The following PDS5A variants were observed in gnomAD, a reference collection of about 807,000 sequenced individuals.
PDS5A encodes the protein sister chromatid cohesion protein PDS5 homolog A.
Under a neutral mutation model 167.1 loss-of-function variants are expected in PDS5A, and 42 were observed. The ratio of observed to expected loss-of-function variants is 0.25; its 90% CI spans 0.20 to 0.33. The LOEUF (loss-of-function observed/expected upper bound fraction) is 0.33, where lower values mean the gene tolerates loss of function less well. Ranked by LOEUF, PDS5A falls within the 10% of genes least tolerant of loss-of-function variation. The pLI is 1.00. For synonymous variants in PDS5A, 553 were observed against 554.6 expected, an observed-to-expected ratio of 1.00 and a Z score of 0.04; for missense variants, 1,033 against 1,605.9, an observed-to-expected ratio of 0.64 and a Z score of 6.10.
At chr4:39,882,225 T>C (rs1403471840) in intron 17 of PDS5A, among the ~76,000 whole-genome samples, 2 of 152,248 alleles carry the variant, frequency 1.3e-5, no homozygotes, top group South Asian at 2.1e-4. Flanking sequence ...TCCTTTCTTG[T>C]GCTTATTTAC....
intron 26 of PDS5A, among the ~76,000 whole-genome samples, chr4:39,852,977 A>C (rs910628071): frequency 2.0e-5 from 3 of 152,072 alleles, no homozygotes; most frequent in Non-Finnish European, 4.4e-5. Context: ...TTCGCCTGTG[A>C]AATTATAAAT....
chr4:39,925,985 T>C (rs1361151089), intron 4 of PDS5A, 52 bp from the exon 5 acceptor site: 4 of 538,592 alleles, frequency 7.4e-6, no homozygotes, highest in Non-Finnish European at 5.9e-6. Context: ...AGAATAGTTA[T>C]ATAATAAAAA....
chr4:39,939,861 A>G (rs193019872), intron 2 of PDS5A, among the ~76,000 whole-genome samples: 6 of 152,284 alleles, frequency 3.9e-5, no homozygotes, highest in African/African-American at 1.4e-4. Context: ...CTACTGTATA[A>G]TACTTTGGAT....
chr4:39,962,490 A>T (rs1399661236), intron 2 of PDS5A, among the ~76,000 whole-genome samples: 1 of 152,144 alleles, frequency 6.6e-6, no homozygotes, highest in Admixed American at 6.5e-5. Flanking sequence ...GAAAACATTA[A>T]TTAGCTTATT....
chr4:39,864,257 A>G (rs948700478), intron 23 of PDS5A, among the ~76,000 whole-genome samples: 1 of 152,230 alleles, frequency 6.6e-6, no homozygotes, highest in Non-Finnish European at 1.5e-5. Context: ...ACAGGAATCT[A>G]GTTTAATGCC....
At chr4:39,856,677 G>T (rs897581462) in intron 26 of PDS5A, among the ~76,000 whole-genome samples, 2 of 152,014 alleles carry the variant, frequency 1.3e-5, no homozygotes, top group African/African-American at 4.8e-5. Context: ...TTAGCCAGGC[G>T]TGGTGGCGGG....
intron 7 of PDS5A, among the ~76,000 whole-genome samples, chr4:39,918,871 A>G (rs1454646001): frequency 6.6e-6 from 1 of 152,174 alleles, no homozygotes; most frequent in Non-Finnish European, 1.5e-5. Flanking sequence ...CCCACTGGAT[A>G]AGAGTAATAT....
chr4:39,959,187 T>C (rs1216934782), intron 2 of PDS5A, among the ~76,000 whole-genome samples: 1 of 152,220 alleles, frequency 6.6e-6, no homozygotes, highest in Non-Finnish European at 1.5e-5. Context: ...TCTACTGTTA[T>C]TCCCAGTGTC....
Position 39,848,984 on chromosome 4 carries a change from C to A in PDS5A, c.3220-14G>T. On this transcript the variant is annotated splice_polypyrimidine_tract_variant and intron_variant, in intron 27 of 32. Transcript: ENST00000303538. ...TGTATACAGTTTCTAGGGAGGAAAA[C>A]GAATCATATATAACTTTTAGTATTG... 1 of 1,543,132 alleles carries A rather than the reference C, an allele frequency of 6.5e-7. No individual in the cohort carries two copies.
chr4:39,959,739 G>C (rs1206983896), intron 2 of PDS5A, among the ~76,000 whole-genome samples: 1 of 152,096 alleles, frequency 6.6e-6, no homozygotes, highest in Non-Finnish European at 1.5e-5. Flanking sequence ...TGGATCTCCT[G>C]AGGTCAGGAG....
chr4:39,977,204 C>T lies in PDS5A; in HGVS notation c.-41+253G>A, dbSNP rs1731199124. 6.6e-6 allele frequency among the ~76,000 whole-genome samples: 1 copy of T among 152,276 alleles called. No homozygotes were observed. Among genetic ancestry groups the T allele is most frequent in the South Asian group, 2.1e-4 (1 of 4,828 alleles). On this transcript the variant is annotated intron_variant, in intron 1 of 32. Transcript: ENST00000303538. This position sits in a 1 kb window ranked among gnomAD's most constrained non-coding sequence, Gnocchi z 4.2. ...CGGGAGGGGAAAACAAGCCGCCCTCCACCCTCAGCCCCACGCCAGGAAGCG... is the reference window on the plus strand; with the variant it reads ...CGGGAGGGGAAAACAAGCCGCCCTCTACCCTCAGCCCCACGCCAGGAAGCG...
At chr4:39,911,053 G>T (rs1207344105) in intron 9 of PDS5A, among the ~76,000 whole-genome samples, 2 of 152,152 alleles carry the variant, frequency 1.3e-5, no homozygotes, top group Non-Finnish European at 2.9e-5. Context: ...AGGACTGCTT[G>T]AGCCCAGGAG....
At chr4:39,869,302 C>T in intron 22 of PDS5A, 92 bp downstream of exon 22, 4 of 814,590 alleles carry the variant, frequency 4.9e-6, no homozygotes, top group Non-Finnish European at 8.6e-6. Flanking sequence ...AAGATCCCAT[C>T]TCTGTTTATT....
rs1175661873 is a variant in PDS5A, at chr4:39,901,262, CTTTCTTTTT to C, written c.1500-764_1500-756del. On this transcript the variant is annotated intron_variant, in intron 13 of 32. Transcript: ENST00000303538. Reference sequence around the variant, plus strand: ...CAAAATGACAGTCTTTTTTTCTTTTCTTTCTTTTTTTTTTTTTTTTTTTTGAGACAAGTC... The same window carrying C: ...CAAAATGACAGTCTTTTTTTCTTTTCTTTTTTTTTTTTTTTGAGACAAGTC... Among the ~76,000 whole-genome samples the C allele has an allele frequency of 2.4e-5, 3 of 122,672 alleles. No individual in the cohort carries two copies. In the Admixed American group the frequency reaches 2.5e-4, roughly 10 times the overall value. 80.5% of individuals were successfully genotyped at this position (122,672 alleles called of 152,430 possible).
At chr4:39,919,207 C>T (rs1724685561) in intron 7 of PDS5A, among the ~76,000 whole-genome samples, 1 of 150,424 alleles carries the variant, frequency 6.6e-6, no homozygotes, top group Non-Finnish European at 1.5e-5. Context: ...GTTAGATTCA[C>T]AAAGATGATT....
chr4:39,954,402 T>A lies in PDS5A; in HGVS notation c.138+22038A>T, dbSNP rs573208597. Among the ~76,000 whole-genome samples the A allele has an allele frequency of 2.1e-4, 32 of 151,836 alleles. No individual in the cohort carries two copies. The East Asian group carries it at 5.8e-3, about 28-fold the overall frequency. Reference sequence around the variant, plus strand: ...GCCACGATCTCAGCTCACTGCAACCTCCACCTCCCAGGTTCAAGCGAGTCT... The same window carrying A: ...GCCACGATCTCAGCTCACTGCAACCACCACCTCCCAGGTTCAAGCGAGTCT... On this transcript the variant is annotated intron_variant, in intron 2 of 32. Coordinates refer to ENST00000303538, the MANE Select transcript of PDS5A (RefSeq NM_001100399.2).
chr4:39,870,137 C>T lies in PDS5A; in HGVS notation c.2437-675G>A, dbSNP rs763735032. On this transcript the variant is annotated intron_variant, in intron 21 of 32. Coordinates refer to ENST00000303538, the MANE Select transcript of PDS5A (RefSeq NM_001100399.2). ...AACACAAAAGCAAAACAAAAAAACT[C>T]CTGGATATCCACAAGAAGCAAACAC... is the stretch of plus-strand genomic sequence containing the variant. 2.6e-5 allele frequency among the ~76,000 whole-genome samples: 4 copies of T among 151,672 alleles called. No homozygotes were observed. In the East Asian group the frequency reaches 7.8e-4, roughly 30 times the overall value.
intron 21 of PDS5A, among the ~76,000 whole-genome samples, chr4:39,872,072 C>T (rs1488427755): frequency 6.6e-6 from 1 of 152,000 alleles, no homozygotes; most frequent in Non-Finnish European, 1.5e-5. Context: ...CTATACATTC[C>T]AACCCAGAGG....
At chr4:39,888,698 A>AC (rs1357049609) in intron 17 of PDS5A, among the ~76,000 whole-genome samples, 1,712 of 152,108 alleles carry the variant, frequency 0.011, 37 homozygotes, top group African/African-American at 0.039. Context: ...AACAAAAAAA[A>AC]AACAAATATT....
Sources: allele counts gnomAD v4.1 joint callset (sites outside exome capture counted in the v4.1 genomes callset), GRCh38; gene constraint gnomAD v4.1.1; non-coding constraint Gnocchi (gnomAD v3.1); transcripts MANE v1.5; gene names NCBI Gene and HGNC (gene_info 2026-07-23, HGNC 2026-07-21).